HHIPL1: variants seen among roughly 807,000 people sequenced by gnomAD.
HHIPL1 encodes the protein HHIP-like protein 1.
A neutral mutation model predicts 61.8 loss-of-function variants in HHIPL1; 43 were observed. The observed-to-expected ratio is 0.70, with a 90% confidence interval of 0.55 to 0.90. The LOEUF (loss-of-function observed/expected upper bound fraction) is 0.90, where lower values mean the gene tolerates loss of function less well. Among genes scored for constraint, HHIPL1 ranks in the 40% least tolerant of loss-of-function variants. HHIPL1 has a pLI of 0.00. For missense variants in HHIPL1, 1,056 were observed against 1,157.7 expected, an observed-to-expected ratio of 0.91 and a Z score of 1.28; for synonymous variants, 482 against 515.8, an observed-to-expected ratio of 0.93 and a Z score of 0.89.
chr14:99,605,852 C>A, the HHIPL1 span, among the ~76,000 whole-genome samples: 13 of 152,292 alleles, frequency 8.5e-5, no homozygotes, highest in East Asian at 2.5e-3. Context: ...TAGGGCTGGC[C>A]TGTTACAGAC....
chr14:99,645,126 C>G (rs372646275), upstream of HHIPL1: 35 of 1,198,616 alleles, frequency 2.9e-5, no homozygotes, highest in East Asian at 1.1e-3. Flanking sequence ...GGGGAGCGCC[C>G]GCCCCTTCCC....
Position 99,666,228 on chromosome 14 carries a change from C to T in HHIPL1, c.1649-1994C>T, listed in dbSNP as rs1232663613. ...GAAAGAGAGATTCTAGTTTCTATGGCACCTCGGGGGAGAACAGGACTGAGA... is the reference window on the plus strand; with the variant it reads ...GAAAGAGAGATTCTAGTTTCTATGGTACCTCGGGGGAGAACAGGACTGAGA... On this transcript the variant is annotated intron_variant, in intron 6 of 8. Transcript: ENST00000330710. 2.0e-5 allele frequency among the ~76,000 whole-genome samples: 3 copies of T among 152,170 alleles called. No homozygotes were observed. The East Asian group carries it at 5.8e-4, about 29-fold the overall frequency.
the HHIPL1 span, among the ~76,000 whole-genome samples, chr14:99,638,163 C>T: frequency 1.3e-5 from 2 of 152,196 alleles, no homozygotes; most frequent in African/African-American, 4.8e-5. Context: ...TGATCTATAC[C>T]ACACAGGTAT....
At position 99,659,466 on chromosome 14, in the gene HHIPL1, A is replaced by G. The variant is rs770837628; in HGVS notation, c.1085A>G (p.Asp362Gly). 1 of 1,527,108 alleles carries G rather than the reference A, an allele frequency of 6.5e-7. No individual in the cohort carries two copies. The highest frequency in any genetic ancestry group is 8.8e-7 in the Non-Finnish European group (1 of 1,142,512). 94.6% of individuals were successfully genotyped at this position (1,527,108 alleles called of 1,614,324 possible). ...LLGKVLRIDV[D>G]RKERGLPYGI... ...GGCAAGGTGCTGCGCATCGACGTGG[A>G]CCGTAAGGAGCGCGGCCTGCCCTAC... Residue 362 changes from aspartate (D) to glycine (G), a missense_variant, in exon 4 of 9, where the codon GAC becomes GGC. By Grantham distance (94) the Asp-to-Gly change is moderately conservative (BLOSUM62 -1). Coordinates refer to ENST00000330710, the MANE Select transcript of HHIPL1 (RefSeq NM_001127258.3).
At chr14:99,612,451 GCAGAGCA>G in the HHIPL1 span, among the ~76,000 whole-genome samples, 3 of 152,206 alleles carry the variant, frequency 2.0e-5, no homozygotes, top group Non-Finnish European at 4.4e-5. Flanking sequence ...AGAGGAAACA[GCAGAGCA>G]GGTTTACTCA....
intron 1 of HHIPL1, among the ~76,000 whole-genome samples, chr14:99,646,655 T>G (rs905277395): frequency 6.6e-6 from 1 of 151,874 alleles, no homozygotes; most frequent in Non-Finnish European, 1.5e-5. Context: ...GCTCCTGTAA[T>G]CCCAGCTACT....
the HHIPL1 span, among the ~76,000 whole-genome samples, chr14:99,635,313 G>A: frequency 6.6e-6 from 1 of 152,176 alleles, no homozygotes. Flanking sequence ...GTTTGGACAG[G>A]TGGGGTGCTT....
chr14:99,618,641 A>G, the HHIPL1 span, among the ~76,000 whole-genome samples: 1 of 152,342 alleles, frequency 6.6e-6, no homozygotes, highest in South Asian at 2.1e-4. Flanking sequence ...CGGCATTGGC[A>G]GGGCCTCTGC....
the HHIPL1 span, among the ~76,000 whole-genome samples, chr14:99,629,713 G>C: frequency 6.6e-6 from 1 of 152,146 alleles, no homozygotes; most frequent in Non-Finnish European, 1.5e-5. Flanking sequence ...ATGTTGGCCA[G>C]GCTGGTCTCG....
chr14:99,652,198 T>A (rs1447307242), intron 1 of HHIPL1, 26 bp from the exon 2 acceptor site: 12 of 1,561,002 alleles, frequency 7.7e-6, no homozygotes, highest in Non-Finnish European at 1.0e-5. Context: ...CCACAAAACA[T>A]CTCTGAGCCA....
the HHIPL1 span, among the ~76,000 whole-genome samples, chr14:99,613,582 A>T: frequency 6.6e-6 from 1 of 151,986 alleles, no homozygotes; most frequent in East Asian, 2.0e-4. Context: ...TATAGGTGTG[A>T]GCCACGTTGC....
At chr14:99,646,081 C>CGACA (rs1385295427) in intron 1 of HHIPL1, among the ~76,000 whole-genome samples, 1 of 152,270 alleles carries the variant, frequency 6.6e-6, no homozygotes, top group Non-Finnish European at 1.5e-5. Flanking sequence ...CAAGACTGAG[C>CGACA]GACAGCTCTT....
the HHIPL1 span, among the ~76,000 whole-genome samples, chr14:99,612,518 G>T: frequency 6.6e-6 from 1 of 152,178 alleles, no homozygotes; most frequent in Non-Finnish European, 1.5e-5. Context: ...TGCTTTCACA[G>T]GTACACAAAT....
chr14:99,678,519 G>A lies in HHIPL1; in HGVS notation c.*2893G>A, dbSNP rs145160371. On this transcript the variant is annotated 3_prime_UTR_variant, in exon 9 of 9. Transcript: ENST00000330710. ...TTATGCAGTTTGTCCCTGCTACTGT[G>A]TCCTATGTCCATTGGCAGAAGCCAG... is the stretch of plus-strand genomic sequence containing the variant. 64 of 152,336 alleles carry A rather than the reference G, an allele frequency of 4.2e-4. No individual in the cohort carries two copies. Among genetic ancestry groups the A allele is most frequent in the African/African-American group, 1.5e-3 (62 of 41,566 alleles). 9.4% of individuals were successfully genotyped at this position (152,336 alleles called of 1,614,324 possible).
At chr14:99,661,076 C>G (rs2056143572) in intron 5 of HHIPL1, among the ~76,000 whole-genome samples, 1 of 152,090 alleles carries the variant, frequency 6.6e-6, no homozygotes, top group Non-Finnish European at 1.5e-5. Context: ...GGGAGGGAAA[C>G]CTACATCACA....
At chr14:99,615,468 C>T in the HHIPL1 span, among the ~76,000 whole-genome samples, 1 of 151,880 alleles carries the variant, frequency 6.6e-6, no homozygotes. Context: ...TACTAGAGCC[C>T]GGGAGGTTGA....
At chr14:99,657,945 CTACA>C (rs755252862) in intron 3 of HHIPL1, among the ~76,000 whole-genome samples, 1 of 151,990 alleles carries the variant, frequency 6.6e-6, no homozygotes, top group Non-Finnish European at 1.5e-5. Context: ...ATACACACAT[CTACA>C]TACATACATA....
chr14:99,680,400 G>C lies in HHIPL1; in HGVS notation c.*4774G>C, dbSNP rs141378466. ...CTCTCAGAGTTTTTGACTCAGTCTTGGTTGAGAATTTTCAGTTCTAGAAGC... is the reference window on the plus strand; with the variant it reads ...CTCTCAGAGTTTTTGACTCAGTCTTCGTTGAGAATTTTCAGTTCTAGAAGC... On this transcript the variant is annotated 3_prime_UTR_variant, in exon 9 of 9. Transcript: ENST00000330710. 2 of 152,164 alleles carry C rather than the reference G, an allele frequency of 1.3e-5. No homozygotes were observed. The highest frequency in any genetic ancestry group is 2.9e-5 in the Non-Finnish European group (2 of 68,036). 9.4% of individuals were successfully genotyped at this position (152,164 alleles called of 1,614,324 possible). A position where few individuals can be genotyped will look rare whatever the true frequency, so the allele number is the denominator to read the frequency against.
the HHIPL1 span, among the ~76,000 whole-genome samples, chr14:99,612,775 G>A: frequency 4.6e-5 from 7 of 152,096 alleles, no homozygotes; most frequent in Admixed American, 1.3e-4. Flanking sequence ...CCTGGCCCCC[G>A]GGTTGCCCTG....
Sources: gnomAD v4.1 joint callset for allele counts (sites outside exome capture counted in the v4.1 genomes callset) on GRCh38, gnomAD v4.1.1 for gene constraint, MANE v1.5 for transcripts, NCBI Gene and HGNC (gene_info 2026-07-23, HGNC 2026-07-21) for gene names.